Variants in TBC1D22A observed in about 807,000 individuals in gnomAD.
TBC1D22A encodes TBC1 domain family member 22A, also known as putative GTPase activator.
In TBC1D22A, 38 loss-of-function variants were observed where a neutral mutation model predicts 60.2. The ratio of observed to expected loss-of-function variants is 0.63; its 90% CI spans 0.49 to 0.83. TBC1D22A has a LOEUF of 0.83. Among genes scored for constraint, TBC1D22A ranks in the 40% least tolerant of loss-of-function variants. TBC1D22A has a pLI of 0.00. For synonymous variants in TBC1D22A, 302 were observed against 281.7 expected (o/e 1.07, Z -0.72); for missense variants, 628 against 701.0 (o/e 0.90, Z 1.18).
intron 9 of TBC1D22A, among the ~76,000 whole-genome samples, chr22:46,994,875 C>T (rs779311343): frequency 1.3e-5 from 2 of 152,182 alleles, no homozygotes; most frequent in Non-Finnish European, 2.9e-5. Flanking sequence ...AAAGGCTAAC[C>T]ATTGCAAGTT....
At chr22:46,914,843 A>G (rs1331753612) in intron 8 of TBC1D22A, 1 of 155,538 alleles carries the variant, frequency 6.4e-6, no homozygotes, top group Non-Finnish European at 1.4e-5. Context: ...TTAGAGGAGT[A>G]ATTTAAAGTC....
intron 12 of TBC1D22A, among the ~76,000 whole-genome samples, chr22:47,133,257 A>G (rs2066744232): frequency 6.6e-6 from 1 of 152,240 alleles, no homozygotes; most frequent in Non-Finnish European, 1.5e-5. Flanking sequence ...ATTGCAGCTG[A>G]TAATTCCAAA....
intron 7 of TBC1D22A, among the ~76,000 whole-genome samples, chr22:46,896,192 G>A (rs1424464371): frequency 1.3e-5 from 2 of 152,022 alleles, no homozygotes; most frequent in African/African-American, 4.8e-5. Flanking sequence ...CCTGCCTTTT[G>A]CCCATTTTTC....
At chr22:47,061,049 G>A (rs1380466745) in intron 11 of TBC1D22A, among the ~76,000 whole-genome samples, 1 of 152,046 alleles carries the variant, frequency 6.6e-6, no homozygotes, top group Non-Finnish European at 1.5e-5. Flanking sequence ...GAGCCACGCT[G>A]TCTTCCTCGG....
chr22:46,892,028 A>G (rs1183207998), intron 6 of TBC1D22A, among the ~76,000 whole-genome samples: 4 of 152,252 alleles, frequency 2.6e-5, no homozygotes, highest in Non-Finnish European at 4.4e-5. Flanking sequence ...AAATTGATTT[A>G]TGATTCACAG....
intron 10 of TBC1D22A, among the ~76,000 whole-genome samples, chr22:47,036,269 C>T (rs1017102967): frequency 3.3e-5 from 5 of 152,172 alleles, no homozygotes; most frequent in African/African-American, 1.2e-4. Context: ...CTTCTAGGCC[C>T]TTTAGAGTAG....
At chr22:47,075,419 A>T (rs1259480934) in intron 11 of TBC1D22A, among the ~76,000 whole-genome samples, 1 of 152,114 alleles carries the variant, frequency 6.6e-6, no homozygotes, top group Non-Finnish European at 1.5e-5. Context: ...GAGGGGGCCC[A>T]TGCCTGTAAT....
chr22:47,089,913 C>G (rs950810250), intron 11 of TBC1D22A, among the ~76,000 whole-genome samples: 4 of 152,154 alleles, frequency 2.6e-5, no homozygotes, highest in Non-Finnish European at 5.9e-5. Flanking sequence ...GGTGGGAGGT[C>G]CTTGTAAATG....
chr22:47,030,367 G>GT (rs907724180), intron 10 of TBC1D22A, among the ~76,000 whole-genome samples: 2 of 152,190 alleles, frequency 1.3e-5, no homozygotes, highest in Non-Finnish European at 2.9e-5. Flanking sequence ...TGGGATACGT[G>GT]TTTTTTCCAT....
At chr22:46,869,678 G>C (rs1366678428) in intron 4 of TBC1D22A, among the ~76,000 whole-genome samples, 1 of 152,208 alleles carries the variant, frequency 6.6e-6, no homozygotes, top group Non-Finnish European at 1.5e-5. Context: ...TCAGCGTTTA[G>C]CCTAGAACCA....
At chr22:47,106,339 C>A (rs1319471494) in intron 11 of TBC1D22A, among the ~76,000 whole-genome samples, 1 of 152,120 alleles carries the variant, frequency 6.6e-6, no homozygotes, top group Non-Finnish European at 1.5e-5. Flanking sequence ...ATATCTCTAG[C>A]AGAATAAATA....
At position 46,964,612 on chromosome 22, in the gene TBC1D22A, A is replaced by G. The variant is rs578184486; in HGVS notation, c.1016-9678A>G. The stretch of plus-strand genomic sequence containing the variant: ...ATAATATACATGGACCGTCTGTCCA[A>G]TTTTGGTTTTGATACAGTAGCCTCA... On this transcript the variant is annotated intron_variant, in intron 8 of 12. Transcript: ENST00000337137. Among the ~76,000 whole-genome samples, 5 of 152,302 alleles carry G rather than the reference A, an allele frequency of 3.3e-5. No homozygotes were observed. The South Asian group carries it at 8.3e-4, about 25-fold the overall frequency.
At chr22:46,903,386 G>A (rs574742359) in intron 7 of TBC1D22A, among the ~76,000 whole-genome samples, 5 of 152,178 alleles carry the variant, frequency 3.3e-5, no homozygotes, top group South Asian at 4.1e-4. Flanking sequence ...TGCCCTCCCC[G>A]CCCTGATGGC....
chr22:46,898,547 C>G (rs921742361), intron 7 of TBC1D22A, among the ~76,000 whole-genome samples: 4 of 151,242 alleles, frequency 2.6e-5, no homozygotes, highest in African/African-American at 9.7e-5. Flanking sequence ...TTTTTTTAAC[C>G]TAAAACGACA....
chr22:47,151,559 G>A (rs1367716551), intron 12 of TBC1D22A, among the ~76,000 whole-genome samples: 3 of 152,220 alleles, frequency 2.0e-5, no homozygotes, highest in Non-Finnish European at 4.4e-5. Flanking sequence ...AGAGGCTCTG[G>A]TACCTGGGCT....
intron 8 of TBC1D22A, among the ~76,000 whole-genome samples, chr22:46,956,634 C>G (rs111919968): frequency 2.2e-4 from 33 of 152,172 alleles, no homozygotes; most frequent in African/African-American, 7.9e-4. Flanking sequence ...CTGTCAAGCC[C>G]GAAAGTTGAG....
At chr22:46,892,389 C>T (rs1228423329) in intron 6 of TBC1D22A, among the ~76,000 whole-genome samples, 3 of 152,006 alleles carry the variant, frequency 2.0e-5, no homozygotes, top group East Asian at 1.9e-4. Context: ...GCTTCAAAGA[C>T]GGATGGGACA....
rs183797683 is a variant in TBC1D22A, at chr22:46,843,137, G to C, written c.638-35516G>C. Among the ~76,000 whole-genome samples the C allele has an allele frequency of 3.5e-3, 532 of 152,258 alleles. 9 individuals are homozygous for C. Among genetic ancestry groups the C allele is most frequent in the Admixed American group, 0.03 (452 of 15,300 alleles). On this transcript the variant is annotated intron_variant, in intron 4 of 12. Transcript: ENST00000337137. ...TTTGTGAAATGACCCACTGTAATGT[G>C]GTGGTTCAAGGGGAGGCACTGAGCC... is the stretch of plus-strand genomic sequence containing the variant.
At chr22:46,987,016 G>A (rs970549512) in intron 9 of TBC1D22A, among the ~76,000 whole-genome samples, 3 of 152,298 alleles carry the variant, frequency 2.0e-5, no homozygotes, top group African/African-American at 7.2e-5. Flanking sequence ...GCCTCTCCAC[G>A]CGCTGATTGT....
Sources: gnomAD v4.1 joint callset for allele counts (sites outside exome capture counted in the v4.1 genomes callset) on GRCh38, gnomAD v4.1.1 for gene constraint, MANE v1.5 for transcripts, NCBI Gene and HGNC (gene_info 2026-07-23, HGNC 2026-07-21) for gene names.